TG: variants seen among roughly 807,000 people sequenced by gnomAD.
TG encodes thyroglobulin, also known as thyroid hormones.
Under a neutral mutation model 324.7 loss-of-function variants are expected in TG, and 270 were observed. That is an observed-to-expected ratio of 0.83 (90% CI 0.75 to 0.92). The LOEUF (loss-of-function observed/expected upper bound fraction) is 0.92, where lower values mean the gene tolerates loss of function less well. Among genes scored for constraint, TG ranks in the 40% least tolerant of loss-of-function variants. The pLI, the probability that TG is intolerant of heterozygous loss-of-function variation, is 0.00. For missense variants in TG, 3,591 were observed against 3,456.4 expected (o/e 1.04, Z -0.98); for synonymous variants, 1,401 against 1,327.0 (o/e 1.06, Z -1.21).
intron 25 of TG, among the ~76,000 whole-genome samples, chr8:132,939,672 T>TTTTG (rs71299042): frequency 0.46 from 67,219 of 146,780 alleles, 18,269 homozygotes; most frequent in Non-Finnish European, 0.6. Context: ...GGTTTTTTTT[T>TTTTG]TTTGTTTGTT....
intron 43 of TG, among the ~76,000 whole-genome samples, chr8:133,102,125 G>T (rs1374976141): frequency 3.3e-5 from 5 of 152,198 alleles, no homozygotes; most frequent in African/African-American, 1.2e-4. Flanking sequence ...TTAATATTAA[G>T]ATTAGTGTCC....
chr8:132,974,940 A>C (rs566512369), intron 34 of TG, among the ~76,000 whole-genome samples: 2 of 152,350 alleles, frequency 1.3e-5, no homozygotes, highest in East Asian at 3.9e-4. Flanking sequence ...CACCTTCAGC[A>C]TCCTGTGATT....
intron 15 of TG, 108 bp downstream of exon 15, chr8:132,900,447 T>C (rs1817751937): frequency 9.6e-7 from 1 of 1,041,744 alleles, no homozygotes; most frequent in Non-Finnish European, 1.4e-6. Flanking sequence ...TCCATAGCTG[T>C]GGGGGCACAG....
chr8:132,983,319 A>C (rs1417803653), intron 34 of TG, 31 bp from the exon 35 acceptor site: 6 of 1,612,404 alleles, frequency 3.7e-6, no homozygotes, highest in Non-Finnish European at 5.1e-6. Flanking sequence ...GGGGGTAGAA[A>C]AGAACTGAAA....
chr8:132,956,189 C>T (rs917224287), intron 27 of TG, among the ~76,000 whole-genome samples: 10 of 152,132 alleles, frequency 6.6e-5, no homozygotes, highest in Admixed American at 2.0e-4. Flanking sequence ...TAATTTGGGG[C>T]TAACCTTCTG....
intron 43 of TG, among the ~76,000 whole-genome samples, chr8:133,099,934 GCA>G (rs1483950989): frequency 1.3e-5 from 2 of 152,154 alleles, no homozygotes; most frequent in African/African-American, 4.8e-5. Context: ...TCTATGAGAA[GCA>G]CAGTAGCCAG....
At position 133,125,285 on chromosome 8, in the gene TG, G is replaced by A. The variant is rs767972141; in HGVS notation, c.7863-6527G>A. On this transcript the variant is annotated intron_variant, in intron 45 of 47. Coordinates refer to ENST00000220616, the MANE Select transcript of TG (RefSeq NM_003235.5). ...ACACATCAATATGCAGCATATGTTC[G>A]GATAACAGTACTAGGAAGGAGGTCC... Among the ~76,000 whole-genome samples the A allele has an allele frequency of 5.9e-5, 9 of 152,280 alleles. No homozygotes were observed. The South Asian group carries it at 8.3e-4, about 14-fold the overall frequency.
At chr8:133,022,595 C>A (rs1037904819) in intron 40 of TG, among the ~76,000 whole-genome samples, 3 of 152,162 alleles carry the variant, frequency 2.0e-5, no homozygotes, top group African/African-American at 7.2e-5. Flanking sequence ...AGGGCTGTAT[C>A]AATAAGGAGA....
rs1395607417 is a variant in TG at position 133,058,582 on chromosome 8, AG to A, written c.7239+28562del. Reference sequence around the variant, plus strand: ...GTGCCTCCCCAGCCTGCCTGGGCTCAGGGCCCTGCGGTGTCAGTTTTCTAGC... The same window carrying A: ...GTGCCTCCCCAGCCTGCCTGGGCTCAGGCCCTGCGGTGTCAGTTTTCTAGC... On this transcript the variant is annotated intron_variant, in intron 41 of 47. Transcript: ENST00000220616. Among the ~76,000 whole-genome samples the A allele has an allele frequency of 3.9e-5, 6 of 152,276 alleles. No individual in the cohort carries two copies. In the East Asian group the frequency reaches 9.7e-4, roughly 25 times the overall value.
At chr8:132,969,430 A>G in intron 31 of TG, 28 bp from the exon 32 acceptor site, 1 of 1,458,162 alleles carries the variant, frequency 6.9e-7, no homozygotes. Flanking sequence ...ATCTCTAAGT[A>G]ATGTATTTTC....
At chr8:133,005,686 T>C (rs1481880882) in intron 35 of TG, among the ~76,000 whole-genome samples, 5 of 152,178 alleles carry the variant, frequency 3.3e-5, no homozygotes, top group South Asian at 4.1e-4. Flanking sequence ...TGTGTCCCAT[T>C]TTTGACATAC....
intron 43 of TG, chr8:133,102,541 T>C: frequency 1.3e-6 from 2 of 1,551,580 alleles, no homozygotes; most frequent in Non-Finnish European, 1.7e-6. Flanking sequence ...GACAGCAAAG[T>C]TAGCAACCTA....
At chr8:132,952,717 T>C (rs1826287272) in intron 27 of TG, among the ~76,000 whole-genome samples, 2 of 152,230 alleles carry the variant, frequency 1.3e-5, no homozygotes, top group African/African-American at 4.8e-5. Context: ...TGCACTGTAT[T>C]ATGCAAAGCA....
In TG at chr8:132,908,302, T is replaced by C. The variant is rs886062707; in HGVS notation, c.3964T>C (p.Leu1322=). ...DLLQTFQVFI[L]DELTARGFCQ... is the part of the protein sequence containing the mutation. ...GCTGCAGACTTTCCAGGTTTTCATATTGGATGAGCTGACAGCCCGCGGCTT... is the reference window on the plus strand; with the variant it reads ...GCTGCAGACTTTCCAGGTTTTCATACTGGATGAGCTGACAGCCCGCGGCTT... The change falls in exon 18 of 48, where the codon TTG becomes CTG. Residue 1322 remains leucine, a synonymous_variant. Coordinates refer to ENST00000220616, the MANE Select transcript of TG (RefSeq NM_003235.5). The C allele has an allele frequency of 8.1e-6, 13 of 1,613,264 alleles. No individual in the cohort carries two copies. In the East Asian group the frequency reaches 1.3e-4, roughly 17 times the overall value.
At chr8:132,908,420 T>G in intron 18 of TG, 80 bp downstream of exon 18, 1 of 981,178 alleles carries the variant, frequency 1.0e-6, no homozygotes, top group Non-Finnish European at 1.5e-6. Context: ...GGGCTCACAT[T>G]AACACAGAGG....
chr8:133,130,311 T>G (rs1269070045), intron 45 of TG, among the ~76,000 whole-genome samples: 1 of 152,182 alleles, frequency 6.6e-6, no homozygotes, highest in Admixed American at 6.5e-5. Flanking sequence ...CCCCGCAAAA[T>G]GTCCAAGTCC....
At chr8:132,932,485 C>T (rs1008979489) in intron 23 of TG, among the ~76,000 whole-genome samples, 2 of 152,158 alleles carry the variant, frequency 1.3e-5, no homozygotes, top group African/African-American at 4.8e-5. Flanking sequence ...TCTTGGTGTT[C>T]CCATCTCTAA....
chr8:132,951,294 T>C (rs1220345393), intron 27 of TG, among the ~76,000 whole-genome samples: 1 of 152,180 alleles, frequency 6.6e-6, no homozygotes, highest in East Asian at 1.9e-4. Context: ...GTCACCAAAT[T>C]CTGAAAATAA....
At chr8:133,058,957 G>A in intron 41 of TG, 1 of 479,924 alleles carries the variant, frequency 2.1e-6, no homozygotes, top group Non-Finnish European at 4.2e-6. Context: ...GCTGGCTTGG[G>A]GGCATTGGAG....
Sources: allele counts gnomAD v4.1 joint callset (sites outside exome capture counted in the v4.1 genomes callset), GRCh38; gene constraint gnomAD v4.1.1; transcripts MANE v1.5; gene names NCBI Gene and HGNC (gene_info 2026-07-23, HGNC 2026-07-21).